Variants in TENM3 observed in about 807,000 individuals in gnomAD.
The protein encoded by TENM3 is teneurin transmembrane protein 3.
In TENM3, 63 loss-of-function variants were observed where a neutral mutation model predicts 255.1. The observed-to-expected ratio is 0.25, with a 90% confidence interval of 0.20 to 0.30. The LOEUF is 0.30. Among genes scored for constraint, TENM3 ranks in the 10% least tolerant of loss-of-function variants. The pLI is 1.00. For synonymous variants in TENM3, 1,306 were observed against 1,322.3 expected, an observed-to-expected ratio of 0.99 and a Z score of 0.27; for missense variants, 2,929 against 3,461.1, an observed-to-expected ratio of 0.85 and a Z score of 3.86.
intron 3 of TENM3, among the ~76,000 whole-genome samples, chr4:182,377,088 T>G (rs1439451970): frequency 6.6e-6 from 1 of 152,130 alleles, no homozygotes; most frequent in African/African-American, 2.4e-5. Flanking sequence ...GTTTGGTCAT[T>G]AAGTTAAATG....
At chr4:182,566,986 G>A (rs1405242825) in intron 3 of TENM3, among the ~76,000 whole-genome samples, 1 of 152,022 alleles carries the variant, frequency 6.6e-6, no homozygotes, top group Non-Finnish European at 1.5e-5. Context: ...TTCTCCTAAA[G>A]ATAATTAAAG....
chr4:182,473,774 A>G (rs1231774336), intron 3 of TENM3, among the ~76,000 whole-genome samples: 2 of 152,024 alleles, frequency 1.3e-5, no homozygotes, highest in Non-Finnish European at 2.9e-5. Context: ...GGTTTGGGCA[A>G]CATATGAGAC....
At chr4:182,334,422 G>A (rs955559298) in intron 2 of TENM3, among the ~76,000 whole-genome samples, 3 of 152,072 alleles carry the variant, frequency 2.0e-5, no homozygotes, top group South Asian at 2.1e-4. Flanking sequence ...TTTAATTGGC[G>A]TGAGTGATCT....
chr4:181,582,858 A>G, the TENM3 span, among the ~76,000 whole-genome samples: 1 of 152,160 alleles, frequency 6.6e-6, no homozygotes, highest in Non-Finnish European at 1.5e-5. Context: ...CATTGGATGT[A>G]AGGTAGGAAG....
chr4:182,731,970 GC>G (rs1561173256), intron 16 of TENM3, among the ~76,000 whole-genome samples: 1 of 151,466 alleles, frequency 6.6e-6, no homozygotes, highest in East Asian at 1.9e-4. Flanking sequence ...TTTAGTAGAG[GC>G]AGGGTTTCAT....
intron 3 of TENM3, among the ~76,000 whole-genome samples, chr4:182,545,172 T>C (rs1580888632): frequency 6.6e-6 from 1 of 152,148 alleles, no homozygotes; most frequent in South Asian, 2.1e-4. Flanking sequence ...TATGAGTCTA[T>C]CACGTGAGTA....
At chr4:182,288,373 CTTTTT>C (rs1561283956) in intron 1 of TENM3, among the ~76,000 whole-genome samples, 1 of 152,180 alleles carries the variant, frequency 6.6e-6, no homozygotes, top group Non-Finnish European at 1.5e-5. Context: ...ACCTCCTTTT[CTTTTT>C]TATTTTCCTT....
chr4:182,124,111 G>T, the TENM3 span, among the ~76,000 whole-genome samples: 1 of 152,160 alleles, frequency 6.6e-6, no homozygotes, highest in Non-Finnish European at 1.5e-5. Flanking sequence ...GAGTGCAATG[G>T]CGTGATCTCG....
At chr4:181,538,008 T>C in the TENM3 span, among the ~76,000 whole-genome samples, 2 of 152,182 alleles carry the variant, frequency 1.3e-5, no homozygotes, top group Non-Finnish European at 2.9e-5. Flanking sequence ...GGCTTATTGA[T>C]ATATTTGGTG....
the TENM3 span, among the ~76,000 whole-genome samples, chr4:181,571,810 T>A: frequency 6.6e-6 from 1 of 152,216 alleles, no homozygotes; most frequent in South Asian, 2.1e-4. Flanking sequence ...AAGTGTTTTG[T>A]TCCATCCTTT....
chr4:181,652,941 T>C, the TENM3 span, among the ~76,000 whole-genome samples: 3 of 152,222 alleles, frequency 2.0e-5, no homozygotes, highest in Non-Finnish European at 4.4e-5. Flanking sequence ...TGTGAAATTT[T>C]TTTAAAAGAT....
At chr4:181,796,180 A>G in the TENM3 span, among the ~76,000 whole-genome samples, 2 of 152,248 alleles carry the variant, frequency 1.3e-5, no homozygotes, top group East Asian at 3.9e-4. Context: ...TAACAGTTCA[A>G]ACTTCTTATT....
chr4:181,634,486 C>A, the TENM3 span, among the ~76,000 whole-genome samples: 3 of 150,308 alleles, frequency 2.0e-5, no homozygotes, highest in East Asian at 2.0e-4. Flanking sequence ...GCATACCTTG[C>A]AAATGCAAAC....
chr4:181,763,315 T>C, the TENM3 span, among the ~76,000 whole-genome samples: 1 of 152,300 alleles, frequency 6.6e-6, no homozygotes, highest in Admixed American at 6.5e-5. Flanking sequence ...CATCATCATG[T>C]TAATCCTCTT....
At chr4:181,972,186 A>G in the TENM3 span, among the ~76,000 whole-genome samples, 1 of 151,998 alleles carries the variant, frequency 6.6e-6, no homozygotes, top group East Asian at 1.9e-4. Context: ...ATTTGGGAGG[A>G]TCAGGCAGGC....
the TENM3 span, among the ~76,000 whole-genome samples, chr4:181,770,227 T>C: frequency 6.6e-6 from 1 of 152,176 alleles, no homozygotes; most frequent in Non-Finnish European, 1.5e-5. Flanking sequence ...GGGTTATATA[T>C]ATGAATAAAT....
the TENM3 span, among the ~76,000 whole-genome samples, chr4:182,007,887 C>T: frequency 6.6e-6 from 1 of 152,154 alleles, no homozygotes; most frequent in African/African-American, 2.4e-5. Context: ...ATATTTAATG[C>T]TTCTTTCAGG....
chr4:182,137,342 C>T, the TENM3 span, among the ~76,000 whole-genome samples: 27 of 151,808 alleles, frequency 1.8e-4, no homozygotes, highest in South Asian at 1.5e-3. Context: ...CTCCCCCCCC[C>T]CAAAAAGGAA....
the TENM3 span, among the ~76,000 whole-genome samples, chr4:181,608,901 T>C: frequency 6.6e-6 from 1 of 152,224 alleles, no homozygotes; most frequent in Non-Finnish European, 1.5e-5. Flanking sequence ...TAATAGTAGC[T>C]GTTTAAAATG....
Sources: gnomAD v4.1 joint callset for allele counts (sites outside exome capture counted in the v4.1 genomes callset) on GRCh38, gnomAD v4.1.1 for gene constraint, MANE v1.5 for transcripts, NCBI Gene and HGNC (gene_info 2026-07-23, HGNC 2026-07-21) for gene names.